The following MIB1 variants were observed in gnomAD, a reference collection of about 807,000 sequenced individuals.
MIB1 encodes the protein MIB E3 ubiquitin protein ligase 1.
In MIB1, 278 loss-of-function variants were observed where a neutral mutation model predicts 124.5. The ratio of observed to expected loss-of-function variants is 2.23; its 90% CI spans 2.02 to 2.47. The LOEUF (loss-of-function observed/expected upper bound fraction) is 2.47. Among genes scored for constraint, MIB1 ranks in the 30% most tolerant of loss-of-function variants. The probability of loss-of-function intolerance (pLI) is 0.00; values close to 1 mark genes in which losing one functional copy is unlikely to be tolerated. For synonymous variants in MIB1, 446 were observed against 429.4 expected (o/e 1.04, Z -0.48); for missense variants, 957 against 1,254.4 (o/e 0.76, Z 3.58).
At chr18:21,843,613 T>G (rs1241610723) in intron 14 of MIB1, among the ~76,000 whole-genome samples, 2 of 152,266 alleles carry the variant, frequency 1.3e-5, no homozygotes, top group Non-Finnish European at 2.9e-5. Context: ...GAAATTCCTC[T>G]TGATATCCTC....
chr18:21,808,767 G>A (rs1051143324), intron 10 of MIB1, among the ~76,000 whole-genome samples: 3 of 152,056 alleles, frequency 2.0e-5, no homozygotes, highest in African/African-American at 7.2e-5. Flanking sequence ...GCTAATTTTG[G>A]ATCTGCCGTG....
At chr18:21,845,151 C>T (rs552810572) in intron 15 of MIB1, among the ~76,000 whole-genome samples, 8 of 152,218 alleles carry the variant, frequency 5.3e-5, no homozygotes, top group African/African-American at 1.7e-4. Flanking sequence ...GCTGGGACTA[C>T]AGGTGCATGC....
chr18:21,764,794 T>C (rs2041137953), intron 1 of MIB1, among the ~76,000 whole-genome samples: 2 of 151,908 alleles, frequency 1.3e-5, no homozygotes, highest in African/African-American at 4.8e-5. Context: ...ATACTTCTGA[T>C]AAAACGACCT....
chr18:21,774,043 A>G (rs1345477120), intron 4 of MIB1, among the ~76,000 whole-genome samples: 2 of 152,180 alleles, frequency 1.3e-5, no homozygotes, highest in African/African-American at 4.8e-5. Flanking sequence ...GGAAGACGGT[A>G]TTATAATGAG....
rs1467129444 is a variant in MIB1, at chr18:21,791,372, A to G, written c.909-2A>G. 3.7e-6 allele frequency: 6 copies of G among 1,604,170 alleles called. No homozygotes were observed. Among genetic ancestry groups the G allele is most frequent in the Non-Finnish European group, 5.1e-6 (6 of 1,174,866 alleles). On this transcript the variant is annotated splice_acceptor_variant, in intron 6 of 20. Transcript: ENST00000261537. LOFTEE classifies it high-confidence loss of function. ...TTTTGAGGTTTAGCTTTGCTCTTGT[A>G]GGTGGACCTTCAATCCTGCTGTTCT...
At chr18:21,864,414 C>A in intron 20 of MIB1, 112 bp from the exon 21 acceptor site, 3 of 851,952 alleles carry the variant, frequency 3.5e-6, no homozygotes, top group East Asian at 2.6e-5. Context: ...TTTTAAAAAC[C>A]ACCAAAATAT....
chr18:21,846,307 G>A (rs1368691304), intron 15 of MIB1, among the ~76,000 whole-genome samples: 1 of 152,112 alleles, frequency 6.6e-6, no homozygotes, highest in Non-Finnish European at 1.5e-5. Context: ...AATGGGAAGA[G>A]GAGAGCACTT....
Position 21,798,179 on chromosome 18 carries a change from A to C in MIB1, c.1188A>C (p.Ala396=), listed in dbSNP as rs1478424697. 1 of 1,613,356 alleles carries C rather than the reference A, an allele frequency of 6.2e-7. No homozygotes were observed. Among genetic ancestry groups the C allele is most frequent in the South Asian group, 1.1e-5 (1 of 91,042 alleles). Residue 396 remains alanine, a synonymous_variant, in exon 8 of 21, where the codon GCA becomes GCC. Transcript: ENST00000261537. ...CGTSWTYNPA[A]VSKVASAGSA... ...CATCTTGGACATACAATCCAGCAGC[A>C]GTTTCCAAGGTGGCATCTGCAGGAT...
chr18:21,863,798 G>A (rs1370088788), intron 20 of MIB1, among the ~76,000 whole-genome samples: 1 of 152,128 alleles, frequency 6.6e-6, no homozygotes, highest in African/African-American at 2.4e-5. Flanking sequence ...GAGGTCAGAA[G>A]ATCAAGACCA....
At chr18:21,856,750 A>G (rs2042232650) in intron 18 of MIB1, among the ~76,000 whole-genome samples, 1 of 152,170 alleles carries the variant, frequency 6.6e-6, no homozygotes, top group Non-Finnish European at 1.5e-5. Flanking sequence ...ATATAAAGAA[A>G]ATTATCACGT....
At chr18:21,783,781 CTG>C (rs2041400019) in intron 6 of MIB1, among the ~76,000 whole-genome samples, 1 of 151,764 alleles carries the variant, frequency 6.6e-6, no homozygotes, top group African/African-American at 2.4e-5. Flanking sequence ...AGGTCTCACT[CTG>C]TCATTCAGGC....
chr18:21,752,997 T>TAA (rs147202270), intron 1 of MIB1, among the ~76,000 whole-genome samples: 4,929 of 152,232 alleles, frequency 0.032, 112 homozygotes, highest in East Asian at 0.069. Flanking sequence ...TTCAAAGGGC[T>TAA]AACATAGATA....
At chr18:21,856,659 A>G (rs1347557176) in intron 18 of MIB1, among the ~76,000 whole-genome samples, 1 of 152,232 alleles carries the variant, frequency 6.6e-6, no homozygotes, top group East Asian at 1.9e-4. Context: ...GCAAACCACC[A>G]TGGCACACTT....
intron 12 of MIB1, among the ~76,000 whole-genome samples, chr18:21,838,018 G>T (rs574525822): frequency 5.9e-5 from 9 of 152,136 alleles, no homozygotes; most frequent in Admixed American, 1.3e-4. Flanking sequence ...TTTCTCTTTG[G>T]TTTTTTCCTC....
At chr18:21,836,273 G>GTT (rs34936609) in intron 12 of MIB1, among the ~76,000 whole-genome samples, 112 of 133,442 alleles carry the variant, frequency 8.4e-4, no homozygotes, top group Non-Finnish European at 1.0e-3. Flanking sequence ...AAAACAAAAG[G>GTT]TTTTTTTTTT....
chr18:21,781,567 C>T (rs1353799362), intron 6 of MIB1, among the ~76,000 whole-genome samples: 1 of 151,270 alleles, frequency 6.6e-6, no homozygotes, highest in Non-Finnish European at 1.5e-5. Context: ...GCATGTGCCA[C>T]CACACCCAGC....
chr18:21,720,677 G>A (rs894514347), intron 1 of MIB1, among the ~76,000 whole-genome samples: 2 of 152,086 alleles, frequency 1.3e-5, no homozygotes, highest in African/African-American at 2.4e-5. Context: ...AGCCTGGCAC[G>A]GTGGCTTATG....
intron 1 of MIB1, among the ~76,000 whole-genome samples, chr18:21,732,051 C>T (rs998510979): frequency 2.0e-5 from 3 of 151,564 alleles, no homozygotes; most frequent in Middle Eastern, 3.4e-3. Context: ...TGGTGGCAGG[C>T]GCGGTGGCTC....
chr18:21,750,915 A>T (rs1229805576), intron 1 of MIB1, among the ~76,000 whole-genome samples: 1 of 152,096 alleles, frequency 6.6e-6, no homozygotes, highest in Non-Finnish European at 1.5e-5. Context: ...AGATTTGCTC[A>T]GCTGGGCACA....
Sources: gnomAD v4.1 joint callset for allele counts (sites outside exome capture counted in the v4.1 genomes callset) on GRCh38, gnomAD v4.1.1 for gene constraint, MANE v1.5 for transcripts, NCBI Gene and HGNC (gene_info 2026-07-23, HGNC 2026-07-21) for gene names.